CNTLN: variants seen among roughly 807,000 people sequenced by gnomAD.
CNTLN encodes centlein.
A neutral mutation model predicts 180.0 loss-of-function variants in CNTLN; 212 were observed. The observed-to-expected ratio is 1.18, with a 90% CI of 1.05 to 1.32. The LOEUF (loss-of-function observed/expected upper bound fraction) is 1.32. Ranked by LOEUF, CNTLN falls within the 40% of genes most tolerant of loss-of-function variation. CNTLN has a pLI of 0.00. For synonymous variants in CNTLN, 722 were observed against 563.1 expected, an observed-to-expected ratio of 1.28 and a Z score of -3.99; for missense variants, 2,095 against 1,610.9, an observed-to-expected ratio of 1.30 and a Z score of -5.14.
intron 7 of CNTLN, among the ~76,000 whole-genome samples, chr9:17,305,519 C>CT (rs1404983761): frequency 3.0e-5 from 4 of 134,290 alleles, no homozygotes; most frequent in African/African-American, 1.2e-4. Flanking sequence ...CACTTGAGCA[C>CT]TGTTTTTTTT....
At chr9:17,309,303 A>G (rs375926214) in intron 8 of CNTLN, 51 bp downstream of exon 8, 343 of 1,336,554 alleles carry the variant, frequency 2.6e-4, no homozygotes, top group Non-Finnish European at 3.4e-4. Flanking sequence ...AAATGAAATC[A>G]TCTCCTACAA....
chr9:17,295,969 TGA>T (rs113148833), intron 6 of CNTLN, among the ~76,000 whole-genome samples: 1,831 of 119,652 alleles, frequency 0.015, 18 homozygotes, highest in African/African-American at 0.033. Flanking sequence ...TACTCTTCAG[TGA>T]GAGAGAGAGA....
intron 5 of CNTLN, among the ~76,000 whole-genome samples, chr9:17,258,860 TAAG>T (rs1466613224): frequency 6.9e-6 from 1 of 145,596 alleles, no homozygotes; most frequent in Non-Finnish European, 1.5e-5. Context: ...CTTATCAGCT[TAAG>T]GAGATTTTGG....
intron 2 of CNTLN, among the ~76,000 whole-genome samples, chr9:17,168,969 T>C (rs773912147): frequency 3.3e-5 from 5 of 152,126 alleles, no homozygotes; most frequent in Non-Finnish European, 2.9e-5. Context: ...CTGGCATCCA[T>C]TTTTTACCTT....
chr9:17,409,473 G>A lies in CNTLN; in HGVS notation c.2796G>A (p.Lys932=). The A allele has an allele frequency of 1.3e-6, 2 of 1,579,018 alleles. No homozygotes were observed. Among genetic ancestry groups the A allele is most frequent in the South Asian group, 1.2e-5 (1 of 84,146 alleles). ...TAAATATAGATGGCAAGACCCCAAA[G>A]GTAAATGACATGATTTTGCTTAATT... ...TYLNIDGKTP[K]DYFHDKNAKK... is the part of the protein sequence containing the mutation. Residue 932 remains lysine (K), a splice_region_variant and synonymous_variant, in exon 16 of 26, where the codon AAG becomes AAA. Transcript: ENST00000380647.
rs538808202 is a variant in CNTLN at position 17,224,100 on chromosome 9, C to T, written c.450-2103C>T. 5.9e-5 allele frequency among the ~76,000 whole-genome samples: 9 copies of T among 152,122 alleles called. No homozygotes were observed. In the South Asian group the frequency reaches 1.2e-3, roughly 21 times the overall value. ...TTCTATATAAAATAACAACAACCTT[C>T]GTTTCACTCCCAGCTTCTCTAGGAC... On this transcript the variant is annotated intron_variant, in intron 2 of 25. Transcript: ENST00000380647.
intron 6 of CNTLN, among the ~76,000 whole-genome samples, chr9:17,277,224 A>G (rs1404504819): frequency 1.3e-5 from 1 of 76,864 alleles, no homozygotes; most frequent in East Asian, 4.2e-4. Flanking sequence ...AAATAAGTAT[A>G]TACAGTCATT....
chr9:17,280,717 G>A (rs1022758242), intron 6 of CNTLN, among the ~76,000 whole-genome samples: 2 of 152,174 alleles, frequency 1.3e-5, no homozygotes. Flanking sequence ...CCATCAGATG[G>A]AAGAAGATAA....
chr9:17,454,796 G>A (rs1217432177), intron 18 of CNTLN, among the ~76,000 whole-genome samples: 1 of 152,316 alleles, frequency 6.6e-6, no homozygotes, highest in Admixed American at 6.5e-5. Context: ...CAGCTGGTAA[G>A]CAGTAGACCC....
chr9:17,310,359 CTCA>C (rs1472475053), intron 8 of CNTLN, among the ~76,000 whole-genome samples: 2 of 152,048 alleles, frequency 1.3e-5, no homozygotes, highest in East Asian at 1.9e-4. Flanking sequence ...GCAATTTTGA[CTCA>C]TCATTATGTT....
rs557281688 is a variant in CNTLN, at chr9:17,175,599, C to T, written c.449+32223C>T. Among the ~76,000 whole-genome samples the T allele has an allele frequency of 8.5e-5, 13 of 152,184 alleles. No homozygotes were observed. The South Asian group carries it at 1.2e-3, about 15-fold the overall frequency. On this transcript the variant is annotated intron_variant, in intron 2 of 25. Coordinates refer to ENST00000380647, the MANE Select transcript of CNTLN (RefSeq NM_017738.4). Reference sequence around the variant, plus strand: ...GAATGATTTCTCCTGCTTTTTCTTCCTTTTCAAAATTGTTTTAGATATTTC... The same window carrying T: ...GAATGATTTCTCCTGCTTTTTCTTCTTTTTCAAAATTGTTTTAGATATTTC...
At chr9:17,184,977 C>T (rs1821342580) in intron 2 of CNTLN, among the ~76,000 whole-genome samples, 1 of 152,122 alleles carries the variant, frequency 6.6e-6, no homozygotes, top group African/African-American at 2.4e-5. Flanking sequence ...AATTAAGTCT[C>T]AGAACTTTAT....
At chr9:17,470,328 C>G (rs1831987637) in intron 23 of CNTLN, among the ~76,000 whole-genome samples, 1 of 151,828 alleles carries the variant, frequency 6.6e-6, no homozygotes, top group Non-Finnish European at 1.5e-5. Flanking sequence ...CACATGGTAC[C>G]TACATGGAAC....
At chr9:17,509,543 A>G in the CNTLN span, among the ~76,000 whole-genome samples, 1 of 152,274 alleles carries the variant, frequency 6.6e-6, no homozygotes, top group South Asian at 2.1e-4. Context: ...ACCATCCTAA[A>G]TCAGCTGGTT....
rs1363721712 is a variant in CNTLN, at chr9:17,135,296, T to G, written c.231T>G (p.Ala77=). 6.2e-7 allele frequency: 1 copy of G among 1,600,646 alleles called. No individual in the cohort carries two copies. The highest frequency in any genetic ancestry group is 8.5e-7 in the Non-Finnish European group (1 of 1,174,552). Residue 77 remains alanine (A), a synonymous_variant, in exon 1 of 26, where the codon GCT becomes GCG. Transcript: ENST00000380647. Reference sequence around the variant, plus strand: ...CTGGGGGGGCAGCTCCGGCTCATGCTCCCCTCCTCAGCGCGCCCATGGGGT... The same window carrying G: ...CTGGGGGGGCAGCTCCGGCTCATGCGCCCCTCCTCAGCGCGCCCATGGGGT... ...RGPGGAAPAH[A]PLLSAPMGSR... is the part of the protein sequence containing the mutation.
intron 20 of CNTLN, among the ~76,000 whole-genome samples, chr9:17,463,603 A>T (rs1250329660): frequency 6.6e-6 from 1 of 151,622 alleles, no homozygotes; most frequent in African/African-American, 2.4e-5. Flanking sequence ...TCACAAACAC[A>T]CCTGTAGACC....
chr9:17,315,580 C>T (rs974529253), intron 8 of CNTLN, among the ~76,000 whole-genome samples: 2 of 151,980 alleles, frequency 1.3e-5, no homozygotes, highest in African/African-American at 4.8e-5. Context: ...CACATTCTTT[C>T]TCTCCTGTCC....
At chr9:17,378,619 T>C (rs904020320) in intron 13 of CNTLN, among the ~76,000 whole-genome samples, 6 of 152,218 alleles carry the variant, frequency 3.9e-5, no homozygotes, top group African/African-American at 1.4e-4. Context: ...GAGCTTGTAT[T>C]TTATTAAATT....
intron 25 of CNTLN, among the ~76,000 whole-genome samples, chr9:17,496,353 A>G (rs754085549): frequency 2.0e-5 from 3 of 152,196 alleles, no homozygotes; most frequent in African/African-American, 7.2e-5. Flanking sequence ...GGCATTAGCC[A>G]TAGGAGCCTT....
Sources: gnomAD v4.1 joint callset for allele counts (sites outside exome capture counted in the v4.1 genomes callset) on GRCh38, gnomAD v4.1.1 for gene constraint, MANE v1.5 for transcripts, NCBI Gene and HGNC (gene_info 2026-07-23, HGNC 2026-07-21) for gene names.